Variants in OR2A5 observed in about 807,000 individuals in gnomAD.
The protein encoded by OR2A5 is olfactory receptor 2A5.
OR2A5 carries 2 observed loss-of-function variants against 1.9 expected under a neutral mutation model. That is an observed-to-expected ratio of 1.04 (90% confidence interval 0.43 to 3.28). The LOEUF is 3.28. Among genes scored for constraint, OR2A5 ranks in the 30% most tolerant of loss-of-function variants. The pLI is 0.08. For synonymous variants in OR2A5, 160 were observed against 154.5 expected, an observed-to-expected ratio of 1.04 and a Z score of -0.26; for missense variants, 391 against 375.9, an observed-to-expected ratio of 1.04 and a Z score of -0.33.
At position 144,050,780 on chromosome 7, in the gene OR2A5, T is replaced by C; in HGVS notation, c.379T>C (p.Cys127Arg). ...MMSYDRYMAI[C>R]HPLQYSVIMR... The stretch of plus-strand genomic sequence containing the variant: ...GTCCTACGATCGGTACATGGCTATC[T>C]GCCACCCTCTGCAATATTCTGTCAT... Residue 127 changes from cysteine to arginine, a missense_variant, in exon 2 of 2, where the codon TGC (cysteine) becomes CGC (arginine). Transcript: ENST00000641693. 6.2e-7 allele frequency: 1 copy of C among 1,614,248 alleles called. No homozygotes were observed. The highest frequency in any genetic ancestry group is 8.5e-7 in the Non-Finnish European group (1 of 1,180,044).
In OR2A5 at chr7:144,050,740, CATCTTGGTA is replaced by C. The variant is rs1387911801; in HGVS notation, c.342_350del (p.Ile114_Val116del). On this transcript the variant is annotated inframe_deletion, in exon 2 of 2. Transcript: ENST00000641693. ...TGGCTTTTGCTCACACTGAGTGTCT[CATCTTGGTA>C]ATGATGTCCTACGATCGGTACATGG... The C allele has an allele frequency of 6.2e-7, 1 of 1,614,212 alleles. No homozygotes were observed. The highest frequency in any genetic ancestry group is 8.5e-7 in the Non-Finnish European group (1 of 1,180,018).
chr7:144,049,313 A>T (rs908609875), intron 1 of OR2A5, among the ~76,000 whole-genome samples, 180 bp downstream of exon 1: 53 of 152,210 alleles, frequency 3.5e-4, no homozygotes, highest in African/African-American at 1.3e-3. Flanking sequence ...CTGCACATTG[A>T]GAATGACGCA....
rs2050913520 is a variant in OR2A5 at position 144,052,471 on chromosome 7, A to G, written c.*1134A>G. 6.6e-6 allele frequency: 1 copy of G among 152,082 alleles called. No homozygotes were observed. The highest frequency in any genetic ancestry group is 2.1e-4 in the South Asian group (1 of 4,820). The allele number at this position is 152,082 out of a possible 1,614,324, so 9.4% of individuals were successfully genotyped here. ...AGTATTGTGTGAATTCAACTGTATG[A>G]CCCATGATGTTATTACATTATCTGC... On this transcript the variant is annotated 3_prime_UTR_variant, in exon 2 of 2. Coordinates refer to ENST00000641693, the MANE Select transcript of OR2A5 (RefSeq NM_012365.2).
In OR2A5 at chr7:144,050,703, C is replaced by A. The variant is rs61741408; in HGVS notation, c.302C>A (p.Thr101Asn). The change falls in exon 2 of 2, where the codon ACC becomes AAC. Residue 101 changes from threonine to asparagine, a missense_variant. Coordinates refer to ENST00000641693, the MANE Select transcript of OR2A5 (RefSeq NM_012365.2). ...TCCTTTGTCCCATGCACAATGCAGA[C>A]CTTTTTATACATGGCTTTTGCTCAC... ...TISFVPCTMQ[T>N]FLYMAFAHTE... 6.8e-4 allele frequency: 1,099 copies of A among 1,614,120 alleles called. 6 individuals carry two copies. The African/African-American group carries it at 0.014, about 20-fold the overall frequency.
At chr7:144,050,311 T>C in intron 1 of OR2A5, 40 bp from the exon 2 acceptor site, 3 of 843,734 alleles carry the variant, frequency 3.6e-6, no homozygotes, top group Non-Finnish European at 5.6e-6. Context: ...ACCCCCTCCT[T>C]CTGTTAACTG....
rs535382097 is a variant in OR2A5 at position 144,057,280 on chromosome 7, G to C, written c.*5943G>C. 5.9e-5 allele frequency: 9 copies of C among 152,068 alleles called. No homozygotes were observed. The highest frequency in any genetic ancestry group is 1.3e-4 in the Non-Finnish European group (9 of 68,028). 9.4% of individuals were successfully genotyped at this position (152,068 alleles called of 1,614,324 possible). A position where few individuals can be genotyped will look rare whatever the true frequency, so the allele number is the denominator to read the frequency against. On this transcript the variant is annotated 3_prime_UTR_variant, in exon 2 of 2. Transcript: ENST00000641693. ...AAAAAGCACATAGAATCTAGACTCA[G>C]ATATAATATCTATTTATTTTATAAG...
At position 144,054,445 on chromosome 7, in the gene OR2A5, C is replaced by A. The variant is rs536745950; in HGVS notation, c.*3108C>A. On this transcript the variant is annotated 3_prime_UTR_variant, in exon 2 of 2. Coordinates refer to ENST00000641693, the MANE Select transcript of OR2A5 (RefSeq NM_012365.2). ...AGAGCTGGTAAAATTCATGACTAAA[C>A]AACTATAAAACTACAAAATCCAATT... 1 of 152,102 alleles carries A rather than the reference C, an allele frequency of 6.6e-6. No homozygotes were observed. Among genetic ancestry groups the A allele is most frequent in the Non-Finnish European group, 1.5e-5 (1 of 68,012 alleles). The allele number at this position is 152,102 out of a possible 1,614,324, so 9.4% of individuals were successfully genotyped here. A position where few individuals can be genotyped will look rare whatever the true frequency, so the allele number is the denominator to read the frequency against.
Position 144,051,688 on chromosome 7 carries a change from C to G in OR2A5, c.*351C>G, listed in dbSNP as rs1335138015. Reference sequence around the variant, plus strand: ...TTGCCATAAGTATATGCTGGTAATCCCATACCATATGCTACTATAAGAGAG... The same window carrying G: ...TTGCCATAAGTATATGCTGGTAATCGCATACCATATGCTACTATAAGAGAG... On this transcript the variant is annotated 3_prime_UTR_variant, in exon 2 of 2. Coordinates refer to ENST00000641693, the MANE Select transcript of OR2A5 (RefSeq NM_012365.2). The G allele has an allele frequency of 1.3e-5, 3 of 238,528 alleles. No homozygotes were observed. The highest frequency in any genetic ancestry group is 1.5e-4 in the South Asian group (2 of 13,474). 14.8% of individuals were successfully genotyped at this position (238,528 alleles called of 1,614,324 possible).
intron 1 of OR2A5, among the ~76,000 whole-genome samples, chr7:144,049,794 C>T (rs921182864): frequency 3.9e-5 from 6 of 152,212 alleles, no homozygotes; most frequent in African/African-American, 7.2e-5. Flanking sequence ...ACATTTAATG[C>T]AAGCTTTATT....
chr7:144,055,357 TA>T lies in OR2A5; in HGVS notation c.*4021del, dbSNP rs1748282404. ...ACATAAAGGTTGAGTAAAATATAAA[TA>T]CGTTGAACAGGCATTTGCAATAGAG... On this transcript the variant is annotated 3_prime_UTR_variant, in exon 2 of 2. Coordinates refer to ENST00000641693, the MANE Select transcript of OR2A5 (RefSeq NM_012365.2). 1 of 152,240 alleles carries T rather than the reference TA, an allele frequency of 6.6e-6. No homozygotes were observed. Among genetic ancestry groups the T allele is most frequent in the African/African-American group, 2.4e-5 (1 of 41,454 alleles). The allele number at this position is 152,240 out of a possible 1,614,324, so 9.4% of individuals were successfully genotyped here.
intron 1 of OR2A5, among the ~76,000 whole-genome samples, chr7:144,049,368 C>T (rs1460780699): frequency 6.6e-6 from 1 of 152,228 alleles, no homozygotes; most frequent in Non-Finnish European, 1.5e-5. Context: ...ATCCTGGTTT[C>T]CCCTTTCTAT....
chr7:144,050,465 A>AT lies in OR2A5; in HGVS notation c.66dup (p.Gln23SerfsTer47). The AT allele has an allele frequency of 6.4e-7, 1 of 1,574,078 alleles. No individual in the cohort carries two copies. The highest frequency in any genetic ancestry group is 8.6e-7 in the Non-Finnish European group (1 of 1,164,132). On this transcript the variant is annotated frameshift_variant, in exon 2 of 2. Transcript: ENST00000641693. LOFTEE classifies it low-confidence loss of function (END_TRUNC). ...CCTGGGATTTCCACTCAGCCTAAGG[A>AT]TTCAGATGCTCCTCTCTGGGCTTTT...
chr7:144,054,161 A>T lies in OR2A5; in HGVS notation c.*2824A>T, dbSNP rs1292868702. ...GGGAACCCAGCACAGGTGCAAGCTG[A>T]GATGCTTGCTATGTTAGATTCACAT... On this transcript the variant is annotated 3_prime_UTR_variant, in exon 2 of 2. Coordinates refer to ENST00000641693, the MANE Select transcript of OR2A5 (RefSeq NM_012365.2). 6.6e-6 allele frequency: 1 copy of T among 152,240 alleles called. No homozygotes were observed. The highest frequency in any genetic ancestry group is 1.5e-5 in the Non-Finnish European group (1 of 68,058). 9.4% of individuals were successfully genotyped at this position (152,240 alleles called of 1,614,324 possible). A position where few individuals can be genotyped will look rare whatever the true frequency, so the allele number is the denominator to read the frequency against.
rs1241508565 is a variant in OR2A5, at chr7:144,054,452, A to G, written c.*3115A>G. ...GTAAAATTCATGACTAAACAACTAT[A>G]AAACTACAAAATCCAATTTTATTTT... On this transcript the variant is annotated 3_prime_UTR_variant, in exon 2 of 2. Coordinates refer to ENST00000641693, the MANE Select transcript of OR2A5 (RefSeq NM_012365.2). 1.3e-5 allele frequency: 2 copies of G among 152,226 alleles called. No homozygotes were observed. The highest frequency in any genetic ancestry group is 1.5e-5 in the Non-Finnish European group (1 of 68,034). The allele number at this position is 152,226 out of a possible 1,614,324, so 9.4% of individuals were successfully genotyped here. A position where few individuals can be genotyped will look rare whatever the true frequency, so the allele number is the denominator to read the frequency against.
At position 144,054,436 on chromosome 7, in the gene OR2A5, A is replaced by G. The variant is rs2050925380; in HGVS notation, c.*3099A>G. On this transcript the variant is annotated 3_prime_UTR_variant, in exon 2 of 2. Coordinates refer to ENST00000641693, the MANE Select transcript of OR2A5 (RefSeq NM_012365.2). ...GTAAGACTAAGAGCTGGTAAAATTC[A>G]TGACTAAACAACTATAAAACTACAA... 6.6e-6 allele frequency: 1 copy of G among 152,224 alleles called. No individual in the cohort carries two copies. Among genetic ancestry groups the G allele is most frequent in the Non-Finnish European group, 1.5e-5 (1 of 68,042 alleles). 9.4% of individuals were successfully genotyped at this position (152,224 alleles called of 1,614,324 possible).
rs201237598 is a variant in OR2A5, at chr7:144,050,762, G to A, written c.361G>A (p.Asp121Asn). ...ECLILVMMSY[D>N]RYMAICHPLQ... ...TCTCATCTTGGTAATGATGTCCTAC[G>A]ATCGGTACATGGCTATCTGCCACCC... The change falls in exon 2 of 2, where the codon GAT (aspartate) becomes AAT (asparagine). Residue 121 changes from aspartate (D) to asparagine (N), a missense_variant. By Grantham distance (23) the Asp-to-Asn change is conservative (BLOSUM62 1). Coordinates refer to ENST00000641693, the MANE Select transcript of OR2A5 (RefSeq NM_012365.2). The A allele has an allele frequency of 7.7e-5, 125 of 1,613,960 alleles. No individual in the cohort carries two copies. Among genetic ancestry groups the A allele is most frequent in the Admixed American group, 2.3e-4 (14 of 59,994 alleles).
In OR2A5 at chr7:144,051,290, G is replaced by A. The variant is rs1586880492; in HGVS notation, c.889G>A (p.Val297Ile). ...PLIYSLRNAE[V>I]KGALKRVLWK... ...GATCTATAGCCTGAGGAACGCAGAG[G>A]TCAAGGGTGCCCTGAAAAGAGTGTT... The change falls in exon 2 of 2, where the codon GTC becomes ATC. Residue 297 changes from valine to isoleucine, a missense_variant. Val to Ile is a conservative substitution (Grantham distance 29). Transcript: ENST00000641693. 6.2e-7 allele frequency: 1 copy of A among 1,613,532 alleles called. No homozygotes were observed.
rs1031095302 is a variant in OR2A5, at chr7:144,058,083, A to C, written c.*6746A>C. The C allele has an allele frequency of 6.6e-6, 1 of 152,100 alleles. No individual in the cohort carries two copies. Among genetic ancestry groups the C allele is most frequent in the Non-Finnish European group, 1.5e-5 (1 of 68,024 alleles). The allele number at this position is 152,100 out of a possible 1,614,324, so 9.4% of individuals were successfully genotyped here. Reference sequence around the variant, plus strand: ...GTAGCAGGCAATACGTCTGTCATCCACTCCTCAGTGGCTTCACCAGCCTTT... The same window carrying C: ...GTAGCAGGCAATACGTCTGTCATCCCCTCCTCAGTGGCTTCACCAGCCTTT... On this transcript the variant is annotated 3_prime_UTR_variant, in exon 2 of 2. Transcript: ENST00000641693.
rs1219012770 is a variant in OR2A5 at position 144,058,148 on chromosome 7, CAT to C, written c.*6812_*6813del. On this transcript the variant is annotated 3_prime_UTR_variant, in exon 2 of 2. Coordinates refer to ENST00000641693, the MANE Select transcript of OR2A5 (RefSeq NM_012365.2). The stretch of plus-strand genomic sequence containing the variant: ...GCTGTTGTCCTAGTGATTACAGCCA[CAT>C]GAGTCACTGGTCAGCTCAGCGGCTA... 2 of 152,242 alleles carry C rather than the reference CAT, an allele frequency of 1.3e-5. No individual in the cohort carries two copies. Among genetic ancestry groups the C allele is most frequent in the Admixed American group, 1.3e-4 (2 of 15,280 alleles). 9.4% of individuals were successfully genotyped at this position (152,242 alleles called of 1,614,324 possible).
Sources: allele counts gnomAD v4.1 joint callset (sites outside exome capture counted in the v4.1 genomes callset), GRCh38; gene constraint gnomAD v4.1.1; transcripts MANE v1.5; gene names NCBI Gene and HGNC (gene_info 2026-07-23, HGNC 2026-07-21).